The following SNX19 variants were observed in gnomAD, a reference collection of about 807,000 sequenced individuals.
The protein encoded by SNX19 is sorting nexin-19.
In SNX19, 60 loss-of-function variants were observed where a neutral mutation model predicts 85.2. The observed-to-expected ratio is 0.70, with a 90% CI of 0.57 to 0.87. The LOEUF (loss-of-function observed/expected upper bound fraction) is 0.87, where lower values mean the gene tolerates loss of function less well. Ranked by LOEUF, SNX19 falls within the 40% of genes least tolerant of loss-of-function variation. The pLI is 0.00. For missense variants in SNX19, 1,201 were observed against 1,217.8 expected, an observed-to-expected ratio of 0.99 and a Z score of 0.21; for synonymous variants, 520 against 470.0, an observed-to-expected ratio of 1.11 and a Z score of -1.38.
rs1366065549 is a variant in SNX19, at chr11:130,877,200, A to C, written c.*1222T>G. The C allele has an allele frequency of 6.6e-6, 1 of 152,182 alleles. No individual in the cohort carries two copies. The highest frequency in any genetic ancestry group is 2.4e-5 in the African/African-American group (1 of 41,444). The allele number at this position is 152,182 out of a possible 1,614,324, so 9.4% of individuals were successfully genotyped here. A position where few individuals can be genotyped will look rare whatever the true frequency, so the allele number is the denominator to read the frequency against. ...CATCCTTGACATCTTTTTGCCAGCT[A>C]TTCACATGCATTTAATATACAGCAC... On this transcript the variant is annotated 3_prime_UTR_variant, in exon 11 of 11. Coordinates refer to ENST00000265909, the MANE Select transcript of SNX19 (RefSeq NM_014758.3).
At chr11:130,908,218 T>C (rs960053635) in intron 4 of SNX19, 135 bp from the exon 5 acceptor site, 5 of 945,992 alleles carry the variant, frequency 5.3e-6, no homozygotes, top group Admixed American at 3.3e-5. Flanking sequence ...CCTTATCCAG[T>C]AGGAAGGTCG....
chr11:130,911,604 G>A (rs369116128), intron 2 of SNX19, 29 bp downstream of exon 2: 38 of 1,613,390 alleles, frequency 2.4e-5, no homozygotes, highest in African/African-American at 2.0e-4. Context: ...GGAAGCAAGC[G>A]GGCAGTAGGG....
In SNX19 at chr11:130,874,012, A is replaced by G. The variant is rs1213952153; in HGVS notation, c.*4410T>C. ...GGTGGGTGGTTCTAGCCAATGAGTC[A>G]TAAGAGGTTTTTTGTTTTTTTTTTT... is the stretch of plus-strand genomic sequence containing the variant. On this transcript the variant is annotated 3_prime_UTR_variant, in exon 11 of 11. Transcript: ENST00000265909. 6.8e-6 allele frequency among the ~76,000 whole-genome samples: 1 copy of G among 146,866 alleles called. No homozygotes were observed. Among genetic ancestry groups the G allele is most frequent in the Non-Finnish European group, 1.5e-5 (1 of 66,470 alleles).
rs537471912 is a variant in SNX19, at chr11:130,903,283, G to A, written c.2545C>T (p.Arg849Cys). 3.1e-5 allele frequency: 50 copies of A among 1,613,860 alleles called. No individual in the cohort carries two copies. The Middle Eastern group carries it at 9.9e-4, about 32-fold the overall frequency. Residue 849 changes from arginine to cysteine, a missense_variant, in exon 8 of 11, where the codon CGT (arginine) becomes TGT (cysteine). Arg to Cys is a radical substitution (Grantham distance 180). Coordinates refer to ENST00000265909, the MANE Select transcript of SNX19 (RefSeq NM_014758.3). Reference protein sequence around the residue: ...LCTENMQKFLRLIFGTLVQRW... With the variant: ...LCTENMQKFLCLIFGTLVQRW... ...TGAACTAGGGTCCCAAAGATAAGAC[G>A]AAGAAACTTTTGCATGTTTTCGGTA...
chr11:130,898,475 TAAAG>T (rs1271063929), intron 8 of SNX19, among the ~76,000 whole-genome samples: 8 of 152,082 alleles, frequency 5.3e-5, no homozygotes, highest in Non-Finnish European at 8.8e-5. Flanking sequence ...GCACGGAACT[TAAAG>T]GAAGAGAACC....
chr11:130,914,940 C>G lies in SNX19; in HGVS notation c.1000G>C (p.Glu334Gln). The part of the protein sequence containing the change: ...GPSPEVEEGH[E>Q]AVEGDLGGMC... ...CCACCCAAATCTCCCTCTACAGCTTCGTGGCCTTCTTCAACCTCTGGAGAG... is the reference window on the plus strand; with the variant it reads ...CCACCCAAATCTCCCTCTACAGCTTGGTGGCCTTCTTCAACCTCTGGAGAG... The change falls in exon 1 of 11, where the codon GAA becomes CAA. Residue 334 changes from glutamate (E) to glutamine (Q), a missense_variant. Coordinates refer to ENST00000265909, the MANE Select transcript of SNX19 (RefSeq NM_014758.3). The G allele has an allele frequency of 1.9e-6, 3 of 1,614,226 alleles. No individual in the cohort carries two copies. The African/African-American group carries it at 4.0e-5, about 22-fold the overall frequency.
Position 130,911,643 on chromosome 11 carries a change from CT to C in SNX19, c.1802del (p.Lys601SerfsTer6). On this transcript the variant is annotated frameshift_variant, in exon 2 of 11. Coordinates refer to ENST00000265909, the MANE Select transcript of SNX19 (RefSeq NM_014758.3). LOFTEE classifies it high-confidence loss of function. ...GGGGAAACTCCTGACTTTTGATGAA[CT>C]TTCGTAGATCTGGTTTCTCCTCCAG... ...TRLEEKPDLR[K>X]FIKNVKGPKK... 6.2e-7 allele frequency: 1 copy of C among 1,614,166 alleles called. No homozygotes were observed. Among genetic ancestry groups the C allele is most frequent in the East Asian group, 2.2e-5 (1 of 44,880 alleles).
rs147010503 is a variant in SNX19 at position 130,880,766 on chromosome 11, G to A, written c.2614C>T (p.Arg872Cys). Reference sequence around the variant, plus strand: ...AGAAGCAGGAGGTACTGCACCCAGCGCTGTGGACTTGTTAAATTAGCTACC... The same window carrying A: ...AGAAGCAGGAGGTACTGCACCCAGCACTGTGGACTTGTTAAATTAGCTACC... ...VQVANLTSPQ[R>C]WVQYLLLLQE... The change falls in exon 9 of 11, where the codon CGC becomes TGC. Residue 872 changes from arginine (R) to cysteine (C), a missense_variant. Around this residue, in one of 3 missense-constraint regions of SNX19, gnomAD observed 285 missense variants for 295.3 expected, o/e 0.97. Transcript: ENST00000265909. 3,180 of 1,586,394 alleles carry A rather than the reference G, an allele frequency of 2.0e-3. 41 individuals carry two copies. In the East Asian group the frequency reaches 0.021, roughly 11 times the overall value.
At position 130,903,243 on chromosome 11, in the gene SNX19, C is replaced by T. The variant is rs1565536082; in HGVS notation, c.2573+12G>A. On this transcript the variant is annotated intron_variant, in intron 8 of 10. Transcript: ENST00000265909. ...TGAGATTCTGATGTGAGGGAGAATT[C>T]AGCAGTCTTACCTTTGAACTAGGGT... The T allele has an allele frequency of 1.2e-6, 2 of 1,613,222 alleles. No homozygotes were observed. Among genetic ancestry groups the T allele is most frequent in the South Asian group, 1.1e-5 (1 of 91,014 alleles).
rs776845249 is a variant in SNX19, at chr11:130,906,687, G to C, written c.2200C>G (p.Pro734Ala). The C allele has an allele frequency of 1.2e-6, 2 of 1,613,062 alleles. No individual in the cohort carries two copies. The highest frequency in any genetic ancestry group is 1.7e-6 in the Non-Finnish European group (2 of 1,179,262). ...RLRFSSSKIS[P>A]ALSVTEAQDK... ...TGTGCTTCAGTCACACTTAGTGCTG[G>C]AGAAATTTTACTGGATGAGAACCTC... The change falls in exon 6 of 11, where the codon CCA becomes GCA. Residue 734 changes from proline (P) to alanine (A), a missense_variant. This residue lies in a region of SNX19 where 125 missense variants were observed against 171.6 expected (regional missense o/e 0.73). Transcript: ENST00000265909.
intron 2 of SNX19, among the ~76,000 whole-genome samples, chr11:130,911,194 C>CAAA (rs540152421): frequency 0.23 from 18,676 of 80,352 alleles, 1,590 homozygotes; most frequent in Middle Eastern, 0.37. Flanking sequence ...GACTCCATGT[C>CAAA]AAAAAAAAAA....
At chr11:130,889,384 C>T (rs757091379) in intron 8 of SNX19, among the ~76,000 whole-genome samples, 3 of 151,878 alleles carry the variant, frequency 2.0e-5, no homozygotes, top group Non-Finnish European at 4.4e-5. Context: ...CTTGTAAATG[C>T]CCCCCGACCC....
intron 8 of SNX19, among the ~76,000 whole-genome samples, chr11:130,883,477 C>T (rs757297140): frequency 1.3e-4 from 20 of 152,308 alleles, no homozygotes; most frequent in Middle Eastern, 6.8e-3. Context: ...GAAATAAACT[C>T]CCTCCAGGCC....
intron 8 of SNX19, among the ~76,000 whole-genome samples, chr11:130,890,589 A>G (rs1483761455): frequency 6.6e-6 from 1 of 152,192 alleles, no homozygotes; most frequent in Non-Finnish European, 1.5e-5. Context: ...CTTGCATATC[A>G]TATATTCCTA....
In SNX19 at chr11:130,871,710, C is replaced by T. The variant is rs918526629; in HGVS notation, c.*6712G>A. Among the ~76,000 whole-genome samples, 2 of 152,154 alleles carry T rather than the reference C, an allele frequency of 1.3e-5. No individual in the cohort carries two copies. The highest frequency in any genetic ancestry group is 6.5e-5 in the Admixed American group (1 of 15,274). ...AGGGAGTTCTGTGTTTATCTAGCTA[C>T]ATCTTTACTCTCATGGGTTAATCAA... is the stretch of plus-strand genomic sequence containing the variant. On this transcript the variant is annotated 3_prime_UTR_variant, in exon 11 of 11. Transcript: ENST00000265909.
At chr11:130,883,773 C>G (rs1418463611) in intron 8 of SNX19, among the ~76,000 whole-genome samples, 1 of 152,152 alleles carries the variant, frequency 6.6e-6, no homozygotes, top group Non-Finnish European at 1.5e-5. Flanking sequence ...TGCAACAAAT[C>G]TTTCTTGTTC....
rs947837283 is a variant in SNX19 at position 130,871,806 on chromosome 11, G to C, written c.*6616C>G. 3.3e-5 allele frequency among the ~76,000 whole-genome samples: 5 copies of C among 152,092 alleles called. No individual in the cohort carries two copies. Among genetic ancestry groups the C allele is most frequent in the Non-Finnish European group, 7.4e-5 (5 of 68,006 alleles). On this transcript the variant is annotated 3_prime_UTR_variant, in exon 11 of 11. Coordinates refer to ENST00000265909, the MANE Select transcript of SNX19 (RefSeq NM_014758.3). ...GGTGCAGCAGTAACATGGAACATAAGGTGGGAAAAAAGACAAAAGTGTGGA... is the reference window on the plus strand; with the variant it reads ...GGTGCAGCAGTAACATGGAACATAACGTGGGAAAAAAGACAAAAGTGTGGA...
rs532848843 is a variant in SNX19 at position 130,869,461 on chromosome 11, A to C, written c.*8961T>G. 4.1e-4 allele frequency: 63 copies of C among 152,290 alleles called. No individual in the cohort carries two copies. Among genetic ancestry groups the C allele is most frequent in the African/African-American group, 1.5e-3 (61 of 41,566 alleles). The allele number at this position is 152,290 out of a possible 1,614,324, so 9.4% of individuals were successfully genotyped here. ...TTTTCAGAAAGTTTTTCGAGGATAA[A>C]CTTGTAGAGGGATTTGGGGAGAGGA... On this transcript the variant is annotated 3_prime_UTR_variant, in exon 11 of 11. Transcript: ENST00000265909.
intron 2 of SNX19, 53 bp from the exon 3 acceptor site, chr11:130,910,423 G>C: frequency 7.8e-7 from 1 of 1,276,230 alleles, no homozygotes; most frequent in Non-Finnish European, 1.1e-6. Flanking sequence ...TTCACAGAGA[G>C]CTATTCCATA....
Sources: gnomAD v4.1 joint callset for allele counts (sites outside exome capture counted in the v4.1 genomes callset) on GRCh38, gnomAD v4.1.1 for gene constraint, gnomAD v4.1.1 regional missense constraint, MANE v1.5 for transcripts, NCBI Gene and HGNC (gene_info 2026-07-23, HGNC 2026-07-21) for gene names.